The following ASIC2 variants were observed in gnomAD, a reference collection of about 807,000 sequenced individuals.
ASIC2 encodes the protein acid sensing ion channel subunit 2.
In ASIC2, 25 loss-of-function variants were observed where a neutral mutation model predicts 57.3. The observed-to-expected ratio is 0.44, with a 90% CI of 0.32 to 0.61. The LOEUF (loss-of-function observed/expected upper bound fraction) is 0.61, where lower values mean the gene tolerates loss of function less well. Among genes scored for constraint, ASIC2 ranks in the 20% least tolerant of loss-of-function variants. The pLI, the probability that ASIC2 is intolerant of heterozygous loss-of-function variation, is 0.06. For synonymous variants in ASIC2, 319 were observed against 307.5 expected, an observed-to-expected ratio of 1.04 and a Z score of -0.39; for missense variants, 641 against 738.1, an observed-to-expected ratio of 0.87 and a Z score of 1.52.
intron 1 of ASIC2, among the ~76,000 whole-genome samples, chr17:33,703,623 G>T (rs1908776132): frequency 1.3e-5 from 2 of 152,106 alleles, no homozygotes; most frequent in Admixed American, 1.3e-4. Flanking sequence ...AAAGTACTGG[G>T]ATTACAGGTG....
chr17:34,152,173 C>G (rs1368069337), intron 1 of ASIC2, among the ~76,000 whole-genome samples: 1 of 152,148 alleles, frequency 6.6e-6, no homozygotes, highest in African/African-American at 2.4e-5. Context: ...ATGCCTCTAA[C>G]AAGATCTCAT....
intron 1 of ASIC2, among the ~76,000 whole-genome samples, chr17:33,864,891 G>T (rs1489161014): frequency 6.6e-6 from 1 of 152,016 alleles, no homozygotes; most frequent in East Asian, 1.9e-4. Flanking sequence ...ACAAAAACAT[G>T]CCAGGAAAAC....
At chr17:33,677,743 T>C (rs1260137121) in intron 1 of ASIC2, among the ~76,000 whole-genome samples, 1 of 152,210 alleles carries the variant, frequency 6.6e-6, no homozygotes. Context: ...ATGAAAAAAC[T>C]GGAACAGATG....
At chr17:33,519,269 T>C (rs1914670084) in intron 1 of ASIC2, among the ~76,000 whole-genome samples, 1 of 152,222 alleles carries the variant, frequency 6.6e-6, no homozygotes, top group East Asian at 1.9e-4. Context: ...GCCCTTCCGT[T>C]ATACAAATAG....
chr17:34,056,636 CTAAT>C (rs543804448), intron 1 of ASIC2, among the ~76,000 whole-genome samples: 35 of 152,276 alleles, frequency 2.3e-4, no homozygotes, highest in Non-Finnish European at 4.7e-4. Flanking sequence ...GAATAACTAA[CTAAT>C]TAATAATACA....
intron 3 of ASIC2, among the ~76,000 whole-genome samples, chr17:33,081,248 A>T (rs2092111998): frequency 6.6e-6 from 1 of 152,228 alleles, no homozygotes; most frequent in Admixed American, 6.5e-5. Flanking sequence ...GCAGGAAAAA[A>T]TGGTGAAAAC....
Position 33,712,663 on chromosome 17 carries a change from T to G in ASIC2, c.555+443315A>C, listed in dbSNP as rs568094309. Among the ~76,000 whole-genome samples the G allele has an allele frequency of 8.8e-4, 104 of 118,414 alleles. 2 individuals are homozygous for G. In the South Asian group the frequency reaches 0.031, roughly 35 times the overall value. The allele number at this position is 118,414 out of a possible 152,430, so 77.7% of individuals were successfully genotyped here. A position where few individuals can be genotyped will look rare whatever the true frequency, so the allele number is the denominator to read the frequency against. On this transcript the variant is annotated intron_variant, in intron 1 of 9. Coordinates refer to the ASIC2 transcript ENST00000359872. ...TTTTTTTTTTTTTTTTTTTTTTTTTTGAGACGGAGTCTTGCTCTGTCGCCC... is the reference window on the plus strand; with the variant it reads ...TTTTTTTTTTTTTTTTTTTTTTTTTGGAGACGGAGTCTTGCTCTGTCGCCC...
intron 1 of ASIC2, among the ~76,000 whole-genome samples, chr17:33,634,514 C>CTTTTTTTTT (rs71144891): frequency 4.2e-5 from 5 of 118,502 alleles, no homozygotes; most frequent in Non-Finnish European, 8.6e-5. Flanking sequence ...ACTTTTTTTT[C>CTTTTTTTTT]TTTTTTTTTT....
intron 1 of ASIC2, among the ~76,000 whole-genome samples, chr17:33,468,841 C>T (rs1483753450): frequency 6.6e-6 from 1 of 152,272 alleles, no homozygotes; most frequent in Middle Eastern, 3.4e-3. Context: ...GCTGAGCTTG[C>T]AGAGTGAAGG....
At chr17:34,013,179 T>C (rs1196679301) in intron 1 of ASIC2, among the ~76,000 whole-genome samples, 1 of 152,194 alleles carries the variant, frequency 6.6e-6, no homozygotes, top group East Asian at 1.9e-4. Flanking sequence ...AGTGGAATCC[T>C]GGGGTAACCA....
At chr17:33,969,621 C>A (rs994519808) in intron 1 of ASIC2, among the ~76,000 whole-genome samples, 3 of 152,126 alleles carry the variant, frequency 2.0e-5, no homozygotes, top group Admixed American at 6.5e-5. Context: ...GGTCTCTGGG[C>A]GACAATGTGA....
At chr17:33,944,605 C>T (rs1469889450) in intron 1 of ASIC2, among the ~76,000 whole-genome samples, 1 of 152,164 alleles carries the variant, frequency 6.6e-6, no homozygotes, top group Admixed American at 6.5e-5. Context: ...GTTTCAGGAG[C>T]GTGTGATGTG....
At chr17:33,819,024 G>T (rs1912671182) in intron 1 of ASIC2, among the ~76,000 whole-genome samples, 1 of 152,206 alleles carries the variant, frequency 6.6e-6, no homozygotes, top group South Asian at 2.1e-4. Context: ...CATGCTTGTG[G>T]GGTGGGGAGT....
Position 33,924,117 on chromosome 17 carries a change from C to T in ASIC2, c.555+231861G>A, listed in dbSNP as rs1915772311. Among the ~76,000 whole-genome samples, 6 of 152,214 alleles carry T rather than the reference C, an allele frequency of 3.9e-5. 2 individuals carry two copies. Among genetic ancestry groups the T allele is most frequent in the Admixed American group, 3.9e-4 (6 of 15,286 alleles). ...CAGGTTTATGGGGCAGGTCAGAGAGCAAGTCTACAAAATGCTTATCACATG... is the reference window on the plus strand; with the variant it reads ...CAGGTTTATGGGGCAGGTCAGAGAGTAAGTCTACAAAATGCTTATCACATG... On this transcript the variant is annotated intron_variant, in intron 1 of 9. Coordinates refer to the ASIC2 transcript ENST00000359872.
intron 1 of ASIC2, among the ~76,000 whole-genome samples, chr17:33,593,603 C>T (rs574697035): frequency 2.2e-4 from 33 of 152,258 alleles, no homozygotes; most frequent in East Asian, 5.8e-4. Flanking sequence ...GGCAGCTTCC[C>T]GTAGGGTTAC....
intron 1 of ASIC2, among the ~76,000 whole-genome samples, chr17:33,691,380 A>G (rs1342462618): frequency 6.6e-6 from 1 of 151,994 alleles, no homozygotes; most frequent in Non-Finnish European, 1.5e-5. Context: ...CCACACTCCA[A>G]TCATCCTAGG....
chr17:33,496,603 GTTTTT>G (rs61267122), intron 1 of ASIC2, among the ~76,000 whole-genome samples: 4 of 70,978 alleles, frequency 5.6e-5, no homozygotes, highest in East Asian at 5.8e-4. Context: ...GTTATTGTAG[GTTTTT>G]TTTTTTTTTT....
At chr17:34,093,168 C>G (rs1018989294) in intron 1 of ASIC2, among the ~76,000 whole-genome samples, 35 of 152,290 alleles carry the variant, frequency 2.3e-4, no homozygotes, top group African/African-American at 7.7e-4. Context: ...TGGGAACATT[C>G]TCGAGCCTGA....
chr17:33,431,303 G>A (rs766328239), intron 1 of ASIC2, among the ~76,000 whole-genome samples: 2 of 152,122 alleles, frequency 1.3e-5, no homozygotes, highest in Non-Finnish European at 2.9e-5. Flanking sequence ...GTACAATAGG[G>A]ATGATAGAAT....
Sources: allele counts gnomAD v4.1 joint callset (sites outside exome capture counted in the v4.1 genomes callset), GRCh38; gene constraint gnomAD v4.1.1; transcripts MANE v1.5; gene names NCBI Gene and HGNC (gene_info 2026-07-23, HGNC 2026-07-21).